The following TTC3 variants were observed in gnomAD, a reference collection of about 807,000 sequenced individuals.
The protein encoded by TTC3 is E3 ubiquitin-protein ligase TTC3.
In TTC3, 180 loss-of-function variants were observed where a neutral mutation model predicts 249.6. That is an observed-to-expected ratio of 0.72 (90% CI 0.64 to 0.82). The LOEUF (loss-of-function observed/expected upper bound fraction) is 0.82, where lower values mean the gene tolerates loss of function less well. Among genes scored for constraint, TTC3 ranks in the 40% least tolerant of loss-of-function variants. The probability of loss-of-function intolerance (pLI) is 0.00; values close to 1 mark genes in which losing one functional copy is unlikely to be tolerated. For synonymous variants in TTC3, 717 were observed against 805.0 expected (o/e 0.89, Z 1.85); for missense variants, 2,061 against 2,398.4 (o/e 0.86, Z 2.94).
chr21:37,162,411 T>G (rs1418835233), intron 31 of TTC3, among the ~76,000 whole-genome samples: 2 of 72 alleles, frequency 0.028, no homozygotes, highest in Non-Finnish European at 0.043. Flanking sequence ...TGTTAATACT[T>G]ACTAGGCATT....
intron 11 of TTC3, among the ~76,000 whole-genome samples, chr21:37,113,657 A>C (rs971359846): frequency 2.6e-5 from 4 of 152,190 alleles, no homozygotes; most frequent in African/African-American, 9.6e-5. Flanking sequence ...GCTACCAATG[A>C]CTTTCTTCAC....
exon 27 of TTC3, chr21:37,153,035 C>A: frequency 6.2e-7 from 1 of 1,613,932 alleles, no homozygotes; most frequent in East Asian, 2.2e-5. Flanking sequence ...AAGATTAAAT[C>A]CGGCATACAG....
intron 10 of TTC3, among the ~76,000 whole-genome samples, chr21:37,105,367 T>C (rs2074976414): frequency 6.6e-6 from 1 of 152,140 alleles, no homozygotes; most frequent in Admixed American, 6.5e-5. Context: ...GGGTTGTATA[T>C]TCAGTGGCTC....
chr21:37,079,543 T>G (rs1469031793), intron 1 of TTC3, among the ~76,000 whole-genome samples: 1 of 145,266 alleles, frequency 6.9e-6, no homozygotes, highest in African/African-American at 2.6e-5. Flanking sequence ...TTTTTTTTTT[T>G]TTTTTTTTAA....
chr21:37,114,369 G>A (rs1315659333), intron 11 of TTC3, among the ~76,000 whole-genome samples: 3 of 152,144 alleles, frequency 2.0e-5, no homozygotes, highest in Non-Finnish European at 4.4e-5. Flanking sequence ...CAAAAAGTGG[G>A]CGAAGGATAT....
intron 15 of TTC3, among the ~76,000 whole-genome samples, chr21:37,127,202 C>A (rs183326351): frequency 3.3e-5 from 5 of 152,124 alleles, no homozygotes; most frequent in African/African-American, 4.8e-5. Context: ...GAGGGGACAG[C>A]CTCATGACCT....
exon 39 of TTC3, chr21:37,188,500 C>T (rs750806304): frequency 1.5e-5 from 24 of 1,612,716 alleles, no homozygotes; most frequent in African/African-American, 2.7e-5. Context: ...GGCAGGTATC[C>T]GTACTTGAAA....
chr21:37,080,235 A>C (rs918599276), intron 1 of TTC3, among the ~76,000 whole-genome samples: 1 of 152,100 alleles, frequency 6.6e-6, no homozygotes, highest in African/African-American at 2.4e-5. Flanking sequence ...GTATTTTTAC[A>C]ATTTCTATTT....
intron 10 of TTC3, chr21:37,101,351 T>TTGTGTGTGTGTGTGTG (rs34514861): frequency 6.9e-6 from 1 of 144,352 alleles, no homozygotes. Flanking sequence ...TCACAAATTC[T>TTGTGTGTGTGTGTGTG]TGTGTGTGTG....
intron 11 of TTC3, among the ~76,000 whole-genome samples, chr21:37,117,779 A>G (rs1639954578): frequency 6.7e-6 from 1 of 149,880 alleles, no homozygotes; most frequent in African/African-American, 2.5e-5. Flanking sequence ...CTAAGGTGGG[A>G]TAATCACCTG....
exon 13 of TTC3, chr21:37,123,000 G>A: frequency 2.5e-6 from 4 of 1,614,012 alleles, no homozygotes; most frequent in Non-Finnish European, 3.4e-6. Flanking sequence ...AGCAAATAAG[G>A]ATCCAATTAA....
At chr21:37,164,459 C>T (rs558374987) in intron 32 of TTC3, among the ~76,000 whole-genome samples, 1 of 151,920 alleles carries the variant, frequency 6.6e-6, no homozygotes, top group African/African-American at 2.4e-5. Flanking sequence ...ATGCGTCAGC[C>T]TCCCGAGTAG....
At chr21:37,129,655 G>C (rs1359046458) in intron 16 of TTC3, among the ~76,000 whole-genome samples, 1 of 151,782 alleles carries the variant, frequency 6.6e-6, no homozygotes, top group Non-Finnish European at 1.5e-5. Flanking sequence ...TTTTGAGATA[G>C]GGTCTTGCTC....
chr21:37,141,417 C>CCG (rs368537483), intron 20 of TTC3, among the ~76,000 whole-genome samples: 2 of 151,692 alleles, frequency 1.3e-5, no homozygotes, highest in Non-Finnish European at 2.9e-5. Flanking sequence ...GGGAATCCCC[C>CCG]CCCCAGCCAT....
chr21:37,165,932 G>T, exon 33 of TTC3: 1 of 1,614,172 alleles, frequency 6.2e-7, no homozygotes, highest in Non-Finnish European at 8.5e-7. Context: ...ACCCAAACCT[G>T]TGTCTGCAAA....
Position 37,191,331 on chromosome 21 carries a change from C to T in TTC3, c.5025-3C>T, listed in dbSNP as rs2084067034. ...AAAGCAGTTTTATATTATACTTTTT[C>T]AGTGATCCTGCAGCATATCCTGACA... On this transcript the variant is annotated splice_polypyrimidine_tract_variant and splice_region_variant and intron_variant, in intron 39 of 45. Transcript: ENST00000355666. 3 of 1,572,604 alleles carry T rather than the reference C, an allele frequency of 1.9e-6. No individual in the cohort carries two copies. The highest frequency in any genetic ancestry group is 2.6e-6 in the Non-Finnish European group (3 of 1,165,550).
At chr21:37,119,872 C>T (rs1013082325) in intron 11 of TTC3, among the ~76,000 whole-genome samples, 3 of 151,840 alleles carry the variant, frequency 2.0e-5, no homozygotes, top group African/African-American at 7.3e-5. Flanking sequence ...AGACTTTTAC[C>T]ATGTAGTGGG....
At chr21:37,165,835 G>C in exon 33 of TTC3, 1 of 1,614,152 alleles carries the variant, frequency 6.2e-7, no homozygotes, top group African/African-American at 1.3e-5. Flanking sequence ...AACTACAACT[G>C]AATCCAGCTG....
At chr21:37,116,088 G>A (rs939618690) in intron 11 of TTC3, among the ~76,000 whole-genome samples, 3 of 152,148 alleles carry the variant, frequency 2.0e-5, no homozygotes, top group Non-Finnish European at 4.4e-5. Context: ...TTTTTTTGGT[G>A]TTTGGTTCAC....
Sources: gnomAD v4.1 joint callset for allele counts (sites outside exome capture counted in the v4.1 genomes callset) on GRCh38, gnomAD v4.1.1 for gene constraint, MANE v1.5 for transcripts, NCBI Gene and HGNC (gene_info 2026-07-23, HGNC 2026-07-21) for gene names.